Variants in EML4 observed in about 807,000 individuals in gnomAD.
The protein encoded by EML4 is EMAP like 4.
A neutral mutation model predicts 129.0 loss-of-function variants in EML4; 72 were observed. The ratio of observed to expected loss-of-function variants is 0.56; its 90% confidence interval spans 0.46 to 0.68. EML4 has a LOEUF of 0.68. Among genes scored for constraint, EML4 ranks in the 30% least tolerant of loss-of-function variants. EML4 has a pLI of 0.00. For missense variants in EML4, 1,363 were observed against 1,190.6 expected, an observed-to-expected ratio of 1.14 and a Z score of -2.13; for synonymous variants, 532 against 405.0, an observed-to-expected ratio of 1.31 and a Z score of -3.77.
chr2:42,220,026 A>G (rs1673470456), intron 1 of EML4, among the ~76,000 whole-genome samples: 1 of 151,744 alleles, frequency 6.6e-6, no homozygotes, highest in South Asian at 2.1e-4. Context: ...GTAGGGGAGT[A>G]TGTCTTGAAG....
In EML4 at chr2:42,169,450, T is replaced by A; in HGVS notation, c.-162T>A. On this transcript the variant is annotated 5_prime_UTR_variant, in exon 1 of 23. Transcript: ENST00000318522. ...GGAAGTGGTTCGGGCGGCCGCGGCT[T>A]ACTACCCCAGGGCGAACGGACGGAC... 3 of 709,094 alleles carry A rather than the reference T, an allele frequency of 4.2e-6. No homozygotes were observed. The highest frequency in any genetic ancestry group is 6.5e-6 in the Non-Finnish European group (3 of 461,962). The allele number at this position is 709,094 out of a possible 1,614,324, so 43.9% of individuals were successfully genotyped here. A position where few individuals can be genotyped will look rare whatever the true frequency, so the allele number is the denominator to read the frequency against.
intron 16 of EML4, 131 bp downstream of exon 16, chr2:42,303,577 G>T (rs761064427): frequency 2.1e-4 from 205 of 997,176 alleles, no homozygotes; most frequent in Non-Finnish European, 2.8e-4. Context: ...GTAATAGAGG[G>T]TGGAGATAAG....
At chr2:42,203,901 C>CCTTTATACGATACTGTTACCTTT (rs1416868555) in intron 1 of EML4, among the ~76,000 whole-genome samples, 1 of 152,054 alleles carries the variant, frequency 6.6e-6, no homozygotes, top group African/African-American at 2.4e-5. Flanking sequence ...TGTATTTACT[C>CCTTTATACGATACTGTTACCTTT]CTTTATACGA....
intron 1 of EML4, among the ~76,000 whole-genome samples, chr2:42,196,731 C>T (rs1312390127): frequency 6.6e-6 from 1 of 152,178 alleles, no homozygotes; most frequent in African/African-American, 2.4e-5. Context: ...CCAAGGAAAG[C>T]TAAATCTAAC....
intron 8 of EML4, 35 bp from the exon 9 acceptor site, chr2:42,284,599 C>A: frequency 6.7e-7 from 1 of 1,497,486 alleles, no homozygotes; most frequent in Non-Finnish European, 9.2e-7. Context: ...TTCATGTTTC[C>A]TGTGTTTAAA....
intron 22 of EML4, 80 bp downstream of exon 22, chr2:42,329,096 G>C (rs550013029): frequency 2.9e-5 from 41 of 1,420,452 alleles, no homozygotes; most frequent in Non-Finnish European, 3.0e-5. Flanking sequence ...AGAAAATATA[G>C]GTTACTGATT....
intron 1 of EML4, among the ~76,000 whole-genome samples, chr2:42,184,208 T>C (rs908755936): frequency 1.3e-5 from 2 of 152,198 alleles, no homozygotes; most frequent in African/African-American, 4.8e-5. Context: ...CACCAGGTTA[T>C]TCATTCTAAC....
At chr2:42,326,394 T>C in intron 21 of EML4, 142 bp downstream of exon 21, 3 of 604,080 alleles carry the variant, frequency 5.0e-6, no homozygotes, top group Non-Finnish European at 8.4e-6. Context: ...AGAAATTAAA[T>C]GTATTAGGAT....
chr2:42,185,537 A>T (rs1346405346), intron 1 of EML4, among the ~76,000 whole-genome samples: 2 of 152,338 alleles, frequency 1.3e-5, no homozygotes, highest in Admixed American at 1.3e-4. Flanking sequence ...ATTTACTTCT[A>T]GGCAGTTAGA....
intron 21 of EML4, 92 bp downstream of exon 21, chr2:42,326,344 G>A (rs1404670036): frequency 5.0e-5 from 43 of 852,868 alleles, no homozygotes; most frequent in Non-Finnish European, 3.9e-5. Flanking sequence ...AAAATAGTCT[G>A]TGTATTCTTT....
At chr2:42,199,471 G>A (rs762772755) in intron 1 of EML4, among the ~76,000 whole-genome samples, 3 of 152,194 alleles carry the variant, frequency 2.0e-5, no homozygotes, top group Admixed American at 6.5e-5. Flanking sequence ...AAGTAAAGGA[G>A]GAAGGTTTTG....
chr2:42,215,212 A>G (rs938873270), intron 1 of EML4, among the ~76,000 whole-genome samples: 1 of 152,150 alleles, frequency 6.6e-6, no homozygotes, highest in South Asian at 2.1e-4. Context: ...GATGCACACC[A>G]CCACGCCTGG....
intron 1 of EML4, among the ~76,000 whole-genome samples, chr2:42,184,929 C>T (rs968422609): frequency 1.3e-5 from 2 of 152,142 alleles, no homozygotes; most frequent in African/African-American, 4.8e-5. Context: ...GCTCTCATAT[C>T]CAGTGCCTAA....
chr2:42,236,950 T>G (rs537340555), intron 1 of EML4, among the ~76,000 whole-genome samples: 1 of 152,336 alleles, frequency 6.6e-6, no homozygotes, highest in Non-Finnish European at 1.5e-5. Flanking sequence ...TGACCATTTA[T>G]GTTTCCTTTT....
intron 20 of EML4, 112 bp from the exon 21 acceptor site, chr2:42,326,033 AATGTTTTTC>A: frequency 7.7e-7 from 1 of 1,306,620 alleles, no homozygotes; most frequent in Non-Finnish European, 1.0e-6. Context: ...AATGTGTCTT[AATGTTTTTC>A]AGTGTATGGA....
rs187093140 is a variant in EML4 at position 42,270,299 on chromosome 2, C to G, written c.667+5568C>G. On this transcript the variant is annotated intron_variant, in intron 6 of 22. Coordinates refer to ENST00000318522, the MANE Select transcript of EML4 (RefSeq NM_019063.5). ...AAAGGCTAGGTGGGGTGGCTCATGCCCATAATCCCAGCATTTTGGGAAGCC... is the reference window on the plus strand; with the variant it reads ...AAAGGCTAGGTGGGGTGGCTCATGCGCATAATCCCAGCATTTTGGGAAGCC... Among the ~76,000 whole-genome samples, 404 of 152,222 alleles carry G rather than the reference C, an allele frequency of 2.7e-3. 3 individuals are homozygous for G. The highest frequency in any genetic ancestry group is 9.2e-3 in the African/African-American group (384 of 41,522).
intron 6 of EML4, among the ~76,000 whole-genome samples, chr2:42,267,234 A>G (rs997208365): frequency 1.3e-5 from 2 of 152,186 alleles, no homozygotes; most frequent in African/African-American, 4.8e-5. Flanking sequence ...AGTTATTAAT[A>G]TATGAATTTG....
chr2:42,266,349 A>C (rs1373505706), intron 6 of EML4, among the ~76,000 whole-genome samples: 1 of 152,196 alleles, frequency 6.6e-6, no homozygotes, highest in African/African-American at 2.4e-5. Context: ...AATACATTAT[A>C]TATCAAAACT....
intron 6 of EML4, among the ~76,000 whole-genome samples, chr2:42,267,009 T>C (rs899860528): frequency 6.6e-6 from 1 of 152,204 alleles, no homozygotes; most frequent in African/African-American, 2.4e-5. Flanking sequence ...TAGCAAACAA[T>C]GTCATGTAGA....
Sources: allele counts gnomAD v4.1 joint callset (sites outside exome capture counted in the v4.1 genomes callset), GRCh38; gene constraint gnomAD v4.1.1; transcripts MANE v1.5; gene names NCBI Gene and HGNC (gene_info 2026-07-23, HGNC 2026-07-21).